Variants in NUDCD3 observed in about 807,000 individuals in gnomAD.
NUDCD3 encodes NudC domain containing 3.
NUDCD3 carries 13 observed loss-of-function variants against 39.7 expected under a neutral mutation model. That is an observed-to-expected ratio of 0.33 (90% CI 0.21 to 0.52). The LOEUF (loss-of-function observed/expected upper bound fraction) is 0.52. NUDCD3 is among the 20% of genes least tolerant of loss of function. The pLI, the probability that NUDCD3 is intolerant of heterozygous loss-of-function variation, is 0.96. For synonymous variants in NUDCD3, 175 were observed against 172.4 expected (o/e 1.02, Z -0.12); for missense variants, 453 against 458.1 (o/e 0.99, Z 0.10).
intron 2 of NUDCD3, among the ~76,000 whole-genome samples, chr7:44,443,854 T>C (rs1351198183): frequency 6.6e-6 from 1 of 152,212 alleles, no homozygotes; most frequent in East Asian, 1.9e-4. Context: ...TCAGTTCTCC[T>C]GGGAGGTGGT....
intron 5 of NUDCD3, 111 bp from the exon 6 acceptor site, chr7:44,386,232 G>T: frequency 8.4e-7 from 1 of 1,197,338 alleles, no homozygotes; most frequent in Non-Finnish European, 1.2e-6. Flanking sequence ...CAGGGCTCAG[G>T]CACTTGCCTG....
chr7:44,457,121 C>A (rs528250683), intron 2 of NUDCD3, among the ~76,000 whole-genome samples: 1 of 152,220 alleles, frequency 6.6e-6, no homozygotes, highest in African/African-American at 2.4e-5. Context: ...GTCTCAAAAA[C>A]TTTCTGTGTC....
intron 2 of NUDCD3, among the ~76,000 whole-genome samples, chr7:44,429,575 G>C (rs995842400): frequency 1.3e-5 from 2 of 152,236 alleles, no homozygotes; most frequent in East Asian, 3.9e-4. Context: ...CGTTTAAGCC[G>C]GCCATTTTGT....
intron 2 of NUDCD3, among the ~76,000 whole-genome samples, chr7:44,480,974 A>T (rs1274489426): frequency 1.3e-5 from 2 of 150,714 alleles, no homozygotes; most frequent in Admixed American, 6.6e-5. Flanking sequence ...AAAATCCAAA[A>T]ATTTGAAAAA....
chr7:44,489,564 C>T (rs767346268), intron 1 of NUDCD3, among the ~76,000 whole-genome samples: 6 of 152,202 alleles, frequency 3.9e-5, no homozygotes, highest in Non-Finnish European at 7.3e-5. Context: ...AGGCTTAATA[C>T]TTGGCTGAAT....
Position 44,380,624 on chromosome 7 carries a change from C to T in NUDCD3, c.*5387G>A, listed in dbSNP as rs531443007. 1 of 152,406 alleles carries T rather than the reference C, an allele frequency of 6.6e-6. No homozygotes were observed. Among genetic ancestry groups the T allele is most frequent in the African/African-American group, 2.4e-5 (1 of 41,572 alleles). The allele number at this position is 152,406 out of a possible 1,614,324, so 9.4% of individuals were successfully genotyped here. ...ACACCTGGTAAATGAGGTCTCCACA[C>T]ACTGGGTCATTAGTACCCACAAGCA... On this transcript the variant is annotated 3_prime_UTR_variant, in exon 6 of 6. Coordinates refer to ENST00000355451, the MANE Select transcript of NUDCD3 (RefSeq NM_015332.4).
At chr7:44,429,423 A>G (rs1230803029) in intron 2 of NUDCD3, among the ~76,000 whole-genome samples, 1 of 152,140 alleles carries the variant, frequency 6.6e-6, no homozygotes, top group Admixed American at 6.5e-5. Flanking sequence ...TAGGCCAAAA[A>G]ACGTCAAGGA....
intron 5 of NUDCD3, among the ~76,000 whole-genome samples, chr7:44,388,213 A>G (rs1383867357): frequency 6.6e-6 from 1 of 152,244 alleles, no homozygotes; most frequent in African/African-American, 2.4e-5. Context: ...ATAAATGGGC[A>G]TCAATGCCAG....
chr7:44,429,783 A>T (rs1799317237), intron 2 of NUDCD3, among the ~76,000 whole-genome samples: 1 of 152,218 alleles, frequency 6.6e-6, no homozygotes, highest in African/African-American at 2.4e-5. Context: ...GGAGTTACAT[A>T]GGATTCCTGA....
At chr7:44,429,486 A>G (rs1563173985) in intron 2 of NUDCD3, among the ~76,000 whole-genome samples, 1 of 152,086 alleles carries the variant, frequency 6.6e-6, no homozygotes, top group Non-Finnish European at 1.5e-5. Flanking sequence ...TTCCCCTAAG[A>G]CCTTCAGAGG....
chr7:44,422,567 C>A (rs1031220045), intron 3 of NUDCD3, among the ~76,000 whole-genome samples: 5 of 152,182 alleles, frequency 3.3e-5, no homozygotes, highest in African/African-American at 1.2e-4. Context: ...GACATACACA[C>A]CCTCCCAAGA....
intron 4 of NUDCD3, among the ~76,000 whole-genome samples, chr7:44,397,773 G>A (rs1425154587): frequency 6.6e-6 from 1 of 152,038 alleles, no homozygotes; most frequent in Non-Finnish European, 1.5e-5. Flanking sequence ...AATCATTTAA[G>A]AATAGGTTGC....
intron 2 of NUDCD3, 113 bp downstream of exon 2, chr7:44,484,851 CTAAA>C: frequency 1.2e-6 from 1 of 800,784 alleles, no homozygotes; most frequent in Non-Finnish European, 2.0e-6. Flanking sequence ...ACATGAAGAG[CTAAA>C]TAAATACTGA....
chr7:44,472,413 G>C (rs964717925), intron 2 of NUDCD3, among the ~76,000 whole-genome samples: 2 of 152,162 alleles, frequency 1.3e-5, no homozygotes, highest in South Asian at 4.1e-4. Context: ...AGCAAGACTT[G>C]AGTAAATAAG....
chr7:44,474,071 G>T (rs753899799), intron 2 of NUDCD3, among the ~76,000 whole-genome samples: 1 of 151,974 alleles, frequency 6.6e-6, no homozygotes, highest in African/African-American at 2.4e-5. Context: ...GCTGCTGTTG[G>T]AACTGGGCAA....
chr7:44,464,873 TACAGAATCTCA>T (rs1471281196), intron 2 of NUDCD3, among the ~76,000 whole-genome samples: 1 of 152,210 alleles, frequency 6.6e-6, no homozygotes, highest in African/African-American at 2.4e-5. Flanking sequence ...TGGCATTTAG[TACAGAATCTCA>T]ACCCTCTTTT....
Position 44,380,216 on chromosome 7 carries a change from C to G in NUDCD3, c.*5795G>C, listed in dbSNP as rs924478495. ...CAGGTGACCACTGTCCAGACAAGGC[C>G]TATTCTACCTCCTTGCCTGGCTGTC... is the stretch of plus-strand genomic sequence containing the variant. On this transcript the variant is annotated 3_prime_UTR_variant, in exon 6 of 6. Coordinates refer to ENST00000355451, the MANE Select transcript of NUDCD3 (RefSeq NM_015332.4). The G allele has an allele frequency of 1.3e-5, 2 of 152,338 alleles. No individual in the cohort carries two copies. The highest frequency in any genetic ancestry group is 4.8e-5 in the African/African-American group (2 of 41,424). The allele number at this position is 152,338 out of a possible 1,614,324, so 9.4% of individuals were successfully genotyped here.
chr7:44,482,921 G>T (rs1005930634), intron 2 of NUDCD3, among the ~76,000 whole-genome samples: 2 of 151,982 alleles, frequency 1.3e-5, no homozygotes, highest in Non-Finnish European at 2.9e-5. Flanking sequence ...GAACCTGCAG[G>T]GCTAAAAAAT....
chr7:44,418,298 G>C (rs978917564), intron 3 of NUDCD3, among the ~76,000 whole-genome samples: 1 of 152,052 alleles, frequency 6.6e-6, no homozygotes, highest in Non-Finnish European at 1.5e-5. Context: ...CATACAGAGA[G>C]GTTCATTTCC....
Sources: allele counts gnomAD v4.1 joint callset (sites outside exome capture counted in the v4.1 genomes callset), GRCh38; gene constraint gnomAD v4.1.1; transcripts MANE v1.5; gene names NCBI Gene and HGNC (gene_info 2026-07-23, HGNC 2026-07-21).